FMN1: variants seen among roughly 807,000 people sequenced by gnomAD.
The protein encoded by FMN1 is formin-1.
Under a neutral mutation model 132.4 loss-of-function variants are expected in FMN1, and 110 were observed. That is an observed-to-expected ratio of 0.83 (90% CI 0.71 to 0.97). The LOEUF (loss-of-function observed/expected upper bound fraction) is 0.97, where lower values mean the gene tolerates loss of function less well. Ranked by LOEUF, FMN1 falls within the 50% of genes least tolerant of loss-of-function variation. FMN1 has a pLI of 0.00. For missense variants in FMN1, 1,792 were observed against 1,705.3 expected (o/e 1.05, Z -0.90); for synonymous variants, 722 against 651.7 (o/e 1.11, Z -1.64).
At chr15:32,949,969 A>G (rs1157827508) in intron 9 of FMN1, among the ~76,000 whole-genome samples, 2 of 50,322 alleles carry the variant, frequency 4.0e-5, no homozygotes, top group African/African-American at 3.2e-4. Context: ...ATATATACAC[A>G]CATATATATA....
intron 16 of FMN1, among the ~76,000 whole-genome samples, chr15:32,866,092 T>A: frequency 6.7e-6 from 1 of 149,954 alleles, no homozygotes. Flanking sequence ...GTGGCGGGAG[T>A]GGGGAGGGAT....
chr15:33,192,015 T>G (rs1429742374), intron 2 of FMN1, among the ~76,000 whole-genome samples: 2 of 152,176 alleles, frequency 1.3e-5, no homozygotes, highest in Non-Finnish European at 2.9e-5. Flanking sequence ...AGATTATGAA[T>G]AGCCCCTAAA....
intron 3 of FMN1, among the ~76,000 whole-genome samples, chr15:33,166,660 G>T (rs569310967): frequency 6.6e-6 from 1 of 152,304 alleles, no homozygotes; most frequent in East Asian, 1.9e-4. Context: ...TGTTCAGGGA[G>T]AGATACTGGT....
At position 33,154,371 on chromosome 15, in the gene FMN1, G is replaced by C. The variant is rs139191627; in HGVS notation, c.544C>G (p.Arg182Gly). The C allele has an allele frequency of 6.5e-7, 1 of 1,536,092 alleles. No individual in the cohort carries two copies. The highest frequency in any genetic ancestry group is 8.7e-7 in the Non-Finnish European group (1 of 1,146,894). The change falls in exon 4 of 21, where the codon CGT becomes GGT. Residue 182 changes from arginine to glycine, a missense_variant. Physicochemically the swap from Arg to Gly is moderately radical, Grantham distance 125. Transcript: ENST00000616417. Reference sequence around the variant, plus strand: ...AGAGGAGCTGATTCTCGGCCTCCACGCCCTTTTCTTTTGGTCCTCTTCTGT... The same window carrying C: ...AGAGGAGCTGATTCTCGGCCTCCACCCCCTTTTCTTTTGGTCCTCTTCTGT... ...LPQKRTKRKGRGGRESAPLMG... is the reference protein window; with the variant it reads ...LPQKRTKRKGGGGRESAPLMG...
chr15:32,820,504 T>C (rs2058182192), intron 17 of FMN1, among the ~76,000 whole-genome samples: 1 of 151,274 alleles, frequency 6.6e-6, no homozygotes, highest in Non-Finnish European at 1.5e-5. Context: ...TCACACCCTC[T>C]GTCTCCCCCA....
intron 4 of FMN1, among the ~76,000 whole-genome samples, chr15:33,123,322 C>T (rs996365914): frequency 1.3e-5 from 2 of 152,024 alleles, no homozygotes; most frequent in Non-Finnish European, 2.9e-5. Flanking sequence ...CCTTCCATAG[C>T]TTTTCACCAT....
intron 10 of FMN1, among the ~76,000 whole-genome samples, chr15:32,911,276 A>T (rs962948219): frequency 6.6e-6 from 1 of 152,232 alleles, no homozygotes; most frequent in African/African-American, 2.4e-5. Flanking sequence ...TGGCTATCGA[A>T]GTGTTTGAAA....
At chr15:32,830,952 A>G (rs1258769) in intron 17 of FMN1, among the ~76,000 whole-genome samples, 1 of 151,866 alleles carries the variant, frequency 6.6e-6, no homozygotes, top group African/African-American at 2.4e-5. Context: ...TGTATCCTCC[A>G]AACACCCCCC....
intron 4 of FMN1, among the ~76,000 whole-genome samples, chr15:33,123,633 A>G (rs571488950): frequency 6.6e-6 from 1 of 152,268 alleles, no homozygotes; most frequent in South Asian, 2.1e-4. Flanking sequence ...TTGATCAAAC[A>G]GCTAGCTATT....
At chr15:32,981,995 T>TAAG in intron 7 of FMN1, among the ~76,000 whole-genome samples, 1 of 152,258 alleles carries the variant, frequency 6.6e-6, no homozygotes, top group African/African-American at 2.4e-5. Flanking sequence ...GACACAGGAC[T>TAAG]TGTTTCCAGA....
intron 10 of FMN1, among the ~76,000 whole-genome samples, chr15:32,915,524 TTCTG>T (rs1370157368): frequency 2.0e-5 from 3 of 152,232 alleles, no homozygotes; most frequent in Non-Finnish European, 4.4e-5. Flanking sequence ...AACACTCACT[TTCTG>T]TCTCTGTCTC....
intron 10 of FMN1, among the ~76,000 whole-genome samples, chr15:32,920,466 GCTTT>G (rs2060794004): frequency 6.6e-6 from 1 of 152,154 alleles, no homozygotes; most frequent in Admixed American, 6.6e-5. Flanking sequence ...TATGGATTTG[GCTTT>G]CTTTTACAAG....
chr15:33,102,402 A>G (rs1187097792), intron 4 of FMN1, among the ~76,000 whole-genome samples: 1 of 152,170 alleles, frequency 6.6e-6, no homozygotes, highest in African/African-American at 2.4e-5. Flanking sequence ...CTCCAAAGCT[A>G]GACTATTCTC....
chr15:32,766,712 C>G lies in FMN1; in HGVS notation c.*7598G>C, dbSNP rs2056060741. On this transcript the variant is annotated 3_prime_UTR_variant, in exon 21 of 21. Transcript: ENST00000616417. ...ACAGCGGAGCTCCCTGTCCAAACGG[C>G]TGAGGAACGGAGCACAGGGTGTGAG... The G allele has an allele frequency of 6.6e-6, 1 of 152,126 alleles. No homozygotes were observed. The allele number at this position is 152,126 out of a possible 1,614,324, so 9.4% of individuals were successfully genotyped here. A position where few individuals can be genotyped will look rare whatever the true frequency, so the allele number is the denominator to read the frequency against.
chr15:32,917,641 T>C (rs1360698665), intron 10 of FMN1, among the ~76,000 whole-genome samples: 1 of 152,310 alleles, frequency 6.6e-6, no homozygotes, highest in South Asian at 2.1e-4. Context: ...CTGCTTGGTT[T>C]CCCAAGCTCA....
At chr15:32,861,083 G>A (rs1292104221) in intron 16 of FMN1, among the ~76,000 whole-genome samples, 1 of 152,064 alleles carries the variant, frequency 6.6e-6, no homozygotes, top group Non-Finnish European at 1.5e-5. Flanking sequence ...ATATAAATTG[G>A]GAGGAGTTCC....
chr15:32,974,359 T>C (rs988012274), intron 7 of FMN1, among the ~76,000 whole-genome samples: 2 of 152,214 alleles, frequency 1.3e-5, no homozygotes, highest in Non-Finnish European at 2.9e-5. Context: ...TTTGCTTCAA[T>C]TGCTTTCATT....
chr15:32,894,487 T>TA (rs374906354), intron 15 of FMN1, among the ~76,000 whole-genome samples: 2,936 of 130,372 alleles, frequency 0.023, 87 homozygotes, highest in African/African-American at 0.074. Flanking sequence ...CCATCTCAAT[T>TA]AAAAAAAAAA....
At chr15:33,133,735 A>C (rs1197303023) in intron 4 of FMN1, among the ~76,000 whole-genome samples, 3 of 152,210 alleles carry the variant, frequency 2.0e-5, no homozygotes, top group Non-Finnish European at 4.4e-5. Flanking sequence ...TACCCGTTTT[A>C]TAATAAATGT....
Sources: allele counts gnomAD v4.1 joint callset (sites outside exome capture counted in the v4.1 genomes callset), GRCh38; gene constraint gnomAD v4.1.1; transcripts MANE v1.5; gene names NCBI Gene and HGNC (gene_info 2026-07-23, HGNC 2026-07-21).